The following MAML2 variants were observed in gnomAD, a reference collection of about 807,000 sequenced individuals.
The protein encoded by MAML2 is mastermind like transcriptional coactivator 2, also known as mastermind-like protein 2.
Under a neutral mutation model 96.1 loss-of-function variants are expected in MAML2, and 22 were observed. That is an observed-to-expected ratio of 0.23 (90% CI 0.16 to 0.33). MAML2 has a LOEUF of 0.33. MAML2 is among the 10% of genes least tolerant of loss of function. The pLI is 1.00. For synonymous variants in MAML2, 561 were observed against 521.3 expected, an observed-to-expected ratio of 1.08 and a Z score of -1.04; for missense variants, 1,367 against 1,392.4, an observed-to-expected ratio of 0.98 and a Z score of 0.29.
At chr11:96,033,558 C>T (rs549408973) in intron 2 of MAML2, among the ~76,000 whole-genome samples, 40 of 152,306 alleles carry the variant, frequency 2.6e-4, no homozygotes, top group African/African-American at 8.7e-4. Flanking sequence ...CTAGACTTGA[C>T]GCACTGTAAA....
rs867367895 is a variant in MAML2 at position 96,142,251 on chromosome 11, T to G, written c.514-48734A>C. Among the ~76,000 whole-genome samples, 19 of 152,270 alleles carry G rather than the reference T, an allele frequency of 1.2e-4. No individual in the cohort carries two copies. In the South Asian group the frequency reaches 1.7e-3, roughly 13 times the overall value. On this transcript the variant is annotated intron_variant, in intron 1 of 4. Transcript: ENST00000524717. Reference sequence around the variant, plus strand: ...AAACCCAAAGGACCAGTAAGAATAATTCAGGAGGAAGAGTCCATATGAGGT... The same window carrying G: ...AAACCCAAAGGACCAGTAAGAATAAGTCAGGAGGAAGAGTCCATATGAGGT...
At position 96,306,439 on chromosome 11, in the gene MAML2, C is replaced by G. The variant is rs573644689; in HGVS notation, c.513+34944G>C. On this transcript the variant is annotated intron_variant, in intron 1 of 4. Transcript: ENST00000524717. ...CAAAAAGGGGACTGAACCTAGCTCCCTTTGTGACTTGAAAGGTCAAAACAG... is the reference window on the plus strand; with the variant it reads ...CAAAAAGGGGACTGAACCTAGCTCCGTTTGTGACTTGAAAGGTCAAAACAG... Among the ~76,000 whole-genome samples, 20 of 152,294 alleles carry G rather than the reference C, an allele frequency of 1.3e-4. No homozygotes were observed. In the South Asian group the frequency reaches 4.1e-3, roughly 32 times the overall value.
intron 1 of MAML2, among the ~76,000 whole-genome samples, chr11:96,128,026 A>T (rs916528683): frequency 6.6e-6 from 1 of 152,164 alleles, no homozygotes; most frequent in South Asian, 2.1e-4. Context: ...TCTTGTTACC[A>T]TGTAGATTCT....
At chr11:96,126,816 A>G (rs769903124) in intron 1 of MAML2, among the ~76,000 whole-genome samples, 1 of 152,184 alleles carries the variant, frequency 6.6e-6, no homozygotes, top group Non-Finnish European at 1.5e-5. Context: ...CATGCGCTGG[A>G]CACCTTGCTA....
intron 1 of MAML2, among the ~76,000 whole-genome samples, chr11:96,258,276 T>A (rs1470465781): frequency 6.6e-6 from 1 of 152,164 alleles, no homozygotes; most frequent in East Asian, 1.9e-4. Flanking sequence ...AATTAATATA[T>A]CTTGGTACTA....
chr11:96,202,370 T>C (rs934651009), intron 1 of MAML2, among the ~76,000 whole-genome samples: 1 of 147,548 alleles, frequency 6.8e-6, no homozygotes, highest in African/African-American at 2.5e-5. Flanking sequence ...AAAAAAAAAT[T>C]GATTATGTTT....
chr11:96,191,517 G>A (rs1861653463), intron 1 of MAML2, among the ~76,000 whole-genome samples: 1 of 149,516 alleles, frequency 6.7e-6, no homozygotes, highest in African/African-American at 2.5e-5. Flanking sequence ...GGCTCAGCCC[G>A]TAATCCCAGC....
chr11:96,287,080 A>T (rs1704517545), intron 1 of MAML2, among the ~76,000 whole-genome samples: 1 of 152,244 alleles, frequency 6.6e-6, no homozygotes, highest in African/African-American at 2.4e-5. Context: ...GCTAGCACTT[A>T]TCAGATGGGA....
intron 2 of MAML2, among the ~76,000 whole-genome samples, chr11:96,077,107 A>G (rs1294574537): frequency 6.6e-6 from 1 of 151,884 alleles, no homozygotes; most frequent in Non-Finnish European, 1.5e-5. Flanking sequence ...TGCCTTATAA[A>G]GTATCTTTAT....
At chr11:96,315,976 A>T (rs1363486213) in intron 1 of MAML2, among the ~76,000 whole-genome samples, 2 of 152,360 alleles carry the variant, frequency 1.3e-5, no homozygotes, top group African/African-American at 2.4e-5. Flanking sequence ...TATCATGTGG[A>T]CATAGCCTTG....
intron 2 of MAML2, among the ~76,000 whole-genome samples, chr11:96,010,839 A>G (rs1858255327): frequency 6.6e-6 from 1 of 152,224 alleles, no homozygotes; most frequent in African/African-American, 2.4e-5. Context: ...GTACTTTCAT[A>G]TAAGTATATA....
At chr11:96,144,490 T>C (rs926363911) in intron 1 of MAML2, among the ~76,000 whole-genome samples, 1 of 152,112 alleles carries the variant, frequency 6.6e-6, no homozygotes, top group Admixed American at 6.5e-5. Flanking sequence ...ATCAGCTCTT[T>C]TTCATGGATT....
At chr11:96,141,520 G>C (rs1012853422) in intron 1 of MAML2, among the ~76,000 whole-genome samples, 33 of 152,006 alleles carry the variant, frequency 2.2e-4, no homozygotes, top group Admixed American at 1.4e-3. Flanking sequence ...AATCCCACCA[G>C]GGTCCATTTA....
At chr11:95,988,870 T>C (rs1857867997) in intron 3 of MAML2, among the ~76,000 whole-genome samples, 1 of 152,188 alleles carries the variant, frequency 6.6e-6, no homozygotes, top group African/African-American at 2.4e-5. Context: ...TAATATCTAA[T>C]GATAACCCAA....
chr11:96,186,185 C>T (rs1861572582), intron 1 of MAML2, among the ~76,000 whole-genome samples: 1 of 152,228 alleles, frequency 6.6e-6, no homozygotes, highest in East Asian at 1.9e-4. Context: ...TTAGGTTTTG[C>T]TCCTAAATGA....
At chr11:96,039,166 G>C (rs1427032326) in intron 2 of MAML2, among the ~76,000 whole-genome samples, 2 of 152,026 alleles carry the variant, frequency 1.3e-5, no homozygotes, top group African/African-American at 4.8e-5. Flanking sequence ...GAAGCAGAAG[G>C]ATCACTTGAG....
At chr11:96,070,205 G>A (rs1200985940) in intron 2 of MAML2, among the ~76,000 whole-genome samples, 1 of 151,872 alleles carries the variant, frequency 6.6e-6, no homozygotes, top group Non-Finnish European at 1.5e-5. Context: ...CAGGAGAATG[G>A]CGTGAACCCG....
intron 1 of MAML2, among the ~76,000 whole-genome samples, chr11:96,213,344 A>G (rs577937554): frequency 1.3e-4 from 20 of 152,350 alleles, no homozygotes; most frequent in Admixed American, 1.2e-3. Context: ...CTATACGCCC[A>G]GTAATGGAGA....
In MAML2 at chr11:96,026,210, G is replaced by A. The variant is rs79381528; in HGVS notation, c.2140-34487C>T. On this transcript the variant is annotated intron_variant, in intron 2 of 4. Coordinates refer to ENST00000524717, the MANE Select transcript of MAML2 (RefSeq NM_032427.4). ...GTCTCCTCCTCTCCCATTAGACTAAGAGTGTTCAAAGAAGAGGAATCACAC... is the reference window on the plus strand; with the variant it reads ...GTCTCCTCCTCTCCCATTAGACTAAAAGTGTTCAAAGAAGAGGAATCACAC... 1.1e-3 allele frequency among the ~76,000 whole-genome samples: 172 copies of A among 152,304 alleles called. 2 individuals carry two copies. The highest frequency in any genetic ancestry group is 3.9e-3 in the African/African-American group (164 of 41,568).
Sources: gnomAD v4.1 joint callset for allele counts (sites outside exome capture counted in the v4.1 genomes callset) on GRCh38, gnomAD v4.1.1 for gene constraint, MANE v1.5 for transcripts, NCBI Gene and HGNC (gene_info 2026-07-23, HGNC 2026-07-21) for gene names.